The following ANO6 variants were observed in gnomAD, a reference collection of about 807,000 sequenced individuals.
ANO6 encodes the protein anoctamin 6.
In ANO6, 106 loss-of-function variants were observed where a neutral mutation model predicts 117.5. That is an observed-to-expected ratio of 0.90 (90% CI 0.77 to 1.06). The LOEUF (loss-of-function observed/expected upper bound fraction) is 1.06, where lower values mean the gene tolerates loss of function less well. ANO6 is among the 50% of genes least tolerant of loss of function. The pLI is 0.00. For missense variants in ANO6, 955 were observed against 1,121.1 expected, an observed-to-expected ratio of 0.85 and a Z score of 2.12; for synonymous variants, 367 against 385.1, an observed-to-expected ratio of 0.95 and a Z score of 0.55.
chr12:45,332,281 CCTCT>C (rs990497761), intron 3 of ANO6, among the ~76,000 whole-genome samples: 3 of 141,582 alleles, frequency 2.1e-5, no homozygotes, highest in Non-Finnish European at 4.6e-5. Context: ...GTGCTCTCTC[CCTCT>C]CTCTCTGTTC....
intron 11 of ANO6, among the ~76,000 whole-genome samples, chr12:45,389,066 T>C (rs1404208257): frequency 6.6e-6 from 1 of 152,216 alleles, no homozygotes; most frequent in African/African-American, 2.4e-5. Context: ...AGGTTCTGAA[T>C]ACGAATAGCT....
intron 1 of ANO6, among the ~76,000 whole-genome samples, chr12:45,248,606 G>T (rs954154391): frequency 6.6e-6 from 1 of 151,850 alleles, no homozygotes; most frequent in Non-Finnish European, 1.5e-5. Context: ...GTTAATTTTT[G>T]TATTTGTAGT....
chr12:45,333,030 C>T (rs1385409830), intron 3 of ANO6, among the ~76,000 whole-genome samples: 2 of 151,544 alleles, frequency 1.3e-5, no homozygotes, highest in African/African-American at 4.8e-5. Flanking sequence ...ATCATAATTT[C>T]ATTGTTGAAT....
chr12:45,374,108 A>G (rs1318519153), intron 9 of ANO6, among the ~76,000 whole-genome samples: 1 of 149,366 alleles, frequency 6.7e-6, no homozygotes, highest in African/African-American at 2.5e-5. Context: ...TCTAGAAGAA[A>G]TGGATAAATT....
chr12:45,437,024 C>G (rs1016061033), downstream of ANO6, among the ~76,000 whole-genome samples: 1 of 152,140 alleles, frequency 6.6e-6, no homozygotes, highest in Non-Finnish European at 1.5e-5. Flanking sequence ...CAGGGTTATA[C>G]CTTAACCTTC....
chr12:45,302,600 A>G (rs940300045), intron 2 of ANO6, among the ~76,000 whole-genome samples: 6 of 152,172 alleles, frequency 3.9e-5, no homozygotes, highest in Non-Finnish European at 7.3e-5. Context: ...AAATGCTCCC[A>G]TTAAATTGGA....
At chr12:45,327,406 G>T (rs1249547095) in intron 2 of ANO6, among the ~76,000 whole-genome samples, 1 of 152,142 alleles carries the variant, frequency 6.6e-6, no homozygotes, top group East Asian at 1.9e-4. Context: ...TTTTAAAAAG[G>T]CTGTGCCACT....
intron 3 of ANO6, among the ~76,000 whole-genome samples, chr12:45,340,154 T>A (rs1477148649): frequency 6.6e-6 from 1 of 152,152 alleles, no homozygotes; most frequent in Non-Finnish European, 1.5e-5. Context: ...TGCGTAGGGA[T>A]AGAAAGCTTC....
At chr12:45,367,625 A>G (rs1482029899) in intron 8 of ANO6, 63 bp from the exon 9 acceptor site, 1 of 1,291,970 alleles carries the variant, frequency 7.7e-7, no homozygotes. Context: ...TTGTGAATGG[A>G]TATTAGATTT....
At chr12:45,232,063 G>A (rs1947581662) in intron 1 of ANO6, among the ~76,000 whole-genome samples, 1 of 152,160 alleles carries the variant, frequency 6.6e-6, no homozygotes, top group Admixed American at 6.6e-5. Context: ...AAAGTCATGT[G>A]CATAGAGATT....
intron 1 of ANO6, among the ~76,000 whole-genome samples, chr12:45,225,176 C>T (rs1947462537): frequency 7.0e-6 from 1 of 142,020 alleles, no homozygotes; most frequent in Admixed American, 6.9e-5. Context: ...CAACAGAGAC[C>T]CTGTCTCAAA....
intron 1 of ANO6, among the ~76,000 whole-genome samples, chr12:45,271,508 A>G (rs1938394450): frequency 6.6e-6 from 1 of 152,240 alleles, no homozygotes; most frequent in African/African-American, 2.4e-5. Flanking sequence ...CTGTTAGTAT[A>G]GCTGAATTAA....
At chr12:45,241,944 C>T (rs908464194) in intron 1 of ANO6, among the ~76,000 whole-genome samples, 2 of 152,176 alleles carry the variant, frequency 1.3e-5, no homozygotes, top group Non-Finnish European at 2.9e-5. Flanking sequence ...GTGGAAGCTT[C>T]GTGCTAGAGG....
Position 45,348,163 on chromosome 12 carries a change from C to G in ANO6, c.481C>G (p.Leu161Val). The change falls in exon 5 of 20, where the codon CTC becomes GTC. Residue 161 changes from leucine to valine, a missense_variant. Leu to Val is a conservative substitution (Grantham distance 32). Coordinates refer to ENST00000320560, the MANE Select transcript of ANO6 (RefSeq NM_001025356.3). ...LKNRSSAFGTLNWFTKVLSVD... is the reference protein window; with the variant it reads ...LKNRSSAFGTVNWFTKVLSVD... Reference sequence around the variant, plus strand: ...AAACCGGTCCTCAGCCTTTGGTACACTCAACTGGTTTACCAAAGTCCTCAG... The same window carrying G: ...AAACCGGTCCTCAGCCTTTGGTACAGTCAACTGGTTTACCAAAGTCCTCAG... The G allele has an allele frequency of 3.1e-6, 5 of 1,614,118 alleles. No homozygotes were observed. The highest frequency in any genetic ancestry group is 4.2e-6 in the Non-Finnish European group (5 of 1,179,992).
intron 1 of ANO6, among the ~76,000 whole-genome samples, chr12:45,258,267 C>T (rs1301987843): frequency 6.6e-6 from 1 of 152,140 alleles, no homozygotes; most frequent in Non-Finnish European, 1.5e-5. Context: ...TTAATTTTAG[C>T]AAAATCAAAG....
chr12:45,331,496 A>T (rs1940665498), intron 3 of ANO6, 73 bp downstream of exon 3: 29 of 1,321,450 alleles, frequency 2.2e-5, no homozygotes, highest in Non-Finnish European at 3.0e-5. Context: ...ATTTTGTATA[A>T]GTAATAAAGT....
chr12:45,293,061 A>G (rs1238175972), intron 1 of ANO6: 2 of 1,338,606 alleles, frequency 1.5e-6, no homozygotes, highest in Non-Finnish European at 2.0e-6. Flanking sequence ...GGGACACTGT[A>G]TTATTAGTCT....
In ANO6 at chr12:45,416,535, T is replaced by A. The variant is rs139074099; in HGVS notation, c.2012-164T>A. 4.1e-4 allele frequency among the ~76,000 whole-genome samples: 63 copies of A among 152,346 alleles called. No individual in the cohort carries two copies. In the East Asian group the frequency reaches 0.012, roughly 29 times the overall value. The stretch of plus-strand genomic sequence containing the variant: ...TCTTTCCAGAGATTTTATATTTGTG[T>A]TTTGTTTGAATTCTTTCACTGTTGA... On this transcript the variant is annotated intron_variant, in intron 16 of 19. Transcript: ENST00000320560.
At chr12:45,256,940 G>A (rs1420851516) in intron 1 of ANO6, among the ~76,000 whole-genome samples, 1 of 152,092 alleles carries the variant, frequency 6.6e-6, no homozygotes, top group Non-Finnish European at 1.5e-5. Flanking sequence ...TGTGGCTGGT[G>A]GATAAAGCTC....
Sources: gnomAD v4.1 joint callset for allele counts (sites outside exome capture counted in the v4.1 genomes callset) on GRCh38, gnomAD v4.1.1 for gene constraint, MANE v1.5 for transcripts, NCBI Gene and HGNC (gene_info 2026-07-23, HGNC 2026-07-21) for gene names.